The following C12orf42 variants were observed in gnomAD, a reference collection of about 807,000 sequenced individuals.
The protein encoded by C12orf42 is chromosome 12 open reading frame 42.
Under a neutral mutation model 21.6 loss-of-function variants are expected in C12orf42, and 25 were observed. The ratio of observed to expected loss-of-function variants is 1.16; its 90% CI spans 0.84 to 1.62. The LOEUF is 1.62. C12orf42 is among the 40% of genes most tolerant of loss of function. C12orf42 has a pLI of 0.00. For synonymous variants in C12orf42, 174 were observed against 175.0 expected (o/e 0.99, Z 0.05); for missense variants, 483 against 459.3 (o/e 1.05, Z -0.47).
At chr12:103,077,014 G>T in the C12orf42 span, among the ~76,000 whole-genome samples, 22,806 of 152,094 alleles carry the variant, frequency 0.15, 2,208 homozygotes, top group East Asian at 0.5. Context: ...TGAGTTTCTA[G>T]ATTGAAAAAA....
intron 5 of C12orf42, among the ~76,000 whole-genome samples, chr12:103,273,424 A>G (rs905842664): frequency 6.6e-6 from 1 of 152,196 alleles, no homozygotes; most frequent in African/African-American, 2.4e-5. Flanking sequence ...TTAAGAATAA[A>G]CACAGCATTG....
intron 10 of C12orf42, among the ~76,000 whole-genome samples, chr12:103,255,457 T>C (rs2034516248): frequency 6.6e-6 from 1 of 152,220 alleles, no homozygotes; most frequent in South Asian, 2.1e-4. Flanking sequence ...CATTTAAATT[T>C]TAGATTTGTT....
intron 4 of C12orf42, among the ~76,000 whole-genome samples, chr12:103,354,794 G>A (rs1879620): frequency 0.14 from 22,041 of 152,016 alleles, 2,159 homozygotes; most frequent in African/African-American, 0.29. Context: ...CTGGGCTGAA[G>A]CAATCTTCTC....
chr12:103,354,723 T>A (rs1315008185), intron 4 of C12orf42, among the ~76,000 whole-genome samples: 8 of 152,084 alleles, frequency 5.3e-5, no homozygotes, highest in Non-Finnish European at 7.4e-5. Context: ...TTAAGAATAT[T>A]GTTTTGTTTT....
chr12:103,239,278 T>C (rs987998978), intron 10 of C12orf42, among the ~76,000 whole-genome samples: 3 of 152,208 alleles, frequency 2.0e-5, no homozygotes, highest in African/African-American at 7.2e-5. Flanking sequence ...TTTGTTGTCA[T>C]CATCATGATC....
At chr12:103,056,061 G>A in the C12orf42 span, among the ~76,000 whole-genome samples, 1 of 151,982 alleles carries the variant, frequency 6.6e-6, no homozygotes, top group African/African-American at 2.4e-5. Context: ...TTTTGGTGAA[G>A]GTTTTGTTGA....
chr12:103,114,671 T>G, the C12orf42 span, among the ~76,000 whole-genome samples: 388 of 152,338 alleles, frequency 2.5e-3, no homozygotes, highest in African/African-American at 8.8e-3. Context: ...GACTTGGATA[T>G]AAAGGTACTT....
chr12:103,485,517 T>C (rs1954773318), intron 1 of C12orf42, among the ~76,000 whole-genome samples: 1 of 152,218 alleles, frequency 6.6e-6, no homozygotes, highest in African/African-American at 2.4e-5. Flanking sequence ...AGAAAATCAC[T>C]GGTAGCTTGA....
At chr12:103,487,354 T>A (rs1184563516) in intron 1 of C12orf42, among the ~76,000 whole-genome samples, 1 of 152,234 alleles carries the variant, frequency 6.6e-6, no homozygotes, top group Non-Finnish European at 1.5e-5. Flanking sequence ...TTACATTTGC[T>A]GAGGAGTGCT....
At chr12:103,105,948 G>A in the C12orf42 span, among the ~76,000 whole-genome samples, 1 of 152,126 alleles carries the variant, frequency 6.6e-6, no homozygotes. Context: ...GAGAATGGGT[G>A]AGAGGAAATA....
intron 4 of C12orf42, among the ~76,000 whole-genome samples, chr12:103,281,394 A>G (rs2036107872): frequency 6.6e-6 from 1 of 152,080 alleles, no homozygotes; most frequent in Non-Finnish European, 1.5e-5. Flanking sequence ...ATGGAGTCTC[A>G]CTCTGTCACC....
downstream of C12orf42, chr12:103,267,738 TAAAC>T (rs955113672): frequency 6.6e-6 from 1 of 152,040 alleles, no homozygotes; most frequent in Non-Finnish European, 1.5e-5. Flanking sequence ...GGTAAACTTA[TAAAC>T]ACATAAACTG....
chr12:103,055,872 C>A, the C12orf42 span, among the ~76,000 whole-genome samples: 2 of 151,938 alleles, frequency 1.3e-5, no homozygotes, highest in African/African-American at 4.8e-5. Flanking sequence ...TCATTGATTT[C>A]CAGTTTAATT....
intron 3 of C12orf42, among the ~76,000 whole-genome samples, chr12:103,386,220 T>C (rs561958263): frequency 6.6e-6 from 1 of 152,310 alleles, no homozygotes; most frequent in South Asian, 2.1e-4. Flanking sequence ...TCTGTCTGCA[T>C]AATCACTATC....
chr12:103,216,976 G>A, the C12orf42 span, among the ~76,000 whole-genome samples: 1 of 152,024 alleles, frequency 6.6e-6, no homozygotes, highest in African/African-American at 2.4e-5. Flanking sequence ...CCAAGTAGCT[G>A]GGAATACAGG....
the C12orf42 span, among the ~76,000 whole-genome samples, chr12:103,193,584 G>A: frequency 6.6e-6 from 1 of 151,790 alleles, no homozygotes; most frequent in African/African-American, 2.4e-5. Flanking sequence ...CCAACAAAAT[G>A]AACAATCTAT....
chr12:103,054,100 T>A, the C12orf42 span, among the ~76,000 whole-genome samples: 1 of 151,906 alleles, frequency 6.6e-6, no homozygotes, highest in Admixed American at 6.6e-5. Flanking sequence ...AATTTTAGAA[T>A]AATCTTGTCT....
chr12:103,334,220 C>T (rs1429975341), intron 4 of C12orf42, among the ~76,000 whole-genome samples: 1 of 152,204 alleles, frequency 6.6e-6, no homozygotes, highest in East Asian at 1.9e-4. Context: ...TAATAACCCA[C>T]ACAAACTCAT....
chr12:103,254,483 C>G (rs2034457035), intron 10 of C12orf42, among the ~76,000 whole-genome samples: 4 of 152,092 alleles, frequency 2.6e-5, no homozygotes, highest in Admixed American at 2.6e-4. Flanking sequence ...CTACAGTAAC[C>G]AAAACAGCAT....
Sources: gnomAD v4.1 joint callset for allele counts (sites outside exome capture counted in the v4.1 genomes callset) on GRCh38, gnomAD v4.1.1 for gene constraint, MANE v1.5 for transcripts, NCBI Gene and HGNC (gene_info 2026-07-23, HGNC 2026-07-21) for gene names.